GTPBP2: variants seen among roughly 807,000 people sequenced by gnomAD.
The protein encoded by GTPBP2 is GTP-binding protein 2.
GTPBP2 carries 32 observed loss-of-function variants against 63.0 expected under a neutral mutation model. The observed-to-expected ratio is 0.51, with a 90% CI of 0.38 to 0.68. The LOEUF (loss-of-function observed/expected upper bound fraction) is 0.68, where lower values mean the gene tolerates loss of function less well. GTPBP2 is among the 30% of genes least tolerant of loss of function. The pLI, the probability that GTPBP2 is intolerant of heterozygous loss-of-function variation, is 0.00. For missense variants in GTPBP2, 492 were observed against 796.9 expected (o/e 0.62, Z 4.61); for synonymous variants, 310 against 322.6 (o/e 0.96, Z 0.42).
chr6:43,629,883 C>A, upstream of GTPBP2: 1 of 1,319,544 alleles, frequency 7.6e-7, no homozygotes. Context: ...TATTACCAGG[C>A]TGGCACCGTC....
rs1328576072 is a variant in GTPBP2, at chr6:43,624,593, C to T, written c.1017G>A (p.Gln339=). Residue 339 remains glutamine (Q), a synonymous_variant, in exon 7 of 12, where the codon CAG becomes CAA. Transcript: ENST00000307126. The surrounding 1 kb of genome is among the most constrained non-coding windows in gnomAD (Gnocchi z 5.1). ...GCATGGGGACCTTGTGGCAGCCAGG[C>T]TGCTTGAGGACCCGCTCCAGCTGGC... is the stretch of plus-strand genomic sequence containing the variant. ...TVRQLERVLK[Q]PGCHKVPMLV... 4 of 1,614,164 alleles carry T rather than the reference C, an allele frequency of 2.5e-6. No individual in the cohort carries two copies. Among genetic ancestry groups the T allele is most frequent in the Admixed American group, 1.7e-5 (1 of 60,020 alleles).
rs940317452 is a variant in GTPBP2 at position 43,622,619 on chromosome 6, T to C, written c.1467+14A>G. The stretch of plus-strand genomic sequence containing the variant: ...CTCTTAGCGTTCCCTCCCCAACCCA[T>C]GCACCCACCTCACCTTGCGAAGCAG... On this transcript the variant is annotated intron_variant, in intron 10 of 11. Coordinates refer to ENST00000307126, the MANE Select transcript of GTPBP2 (RefSeq NM_019096.5). The surrounding 1 kb of genome is among the most constrained non-coding windows in gnomAD (Gnocchi z 5.4). The C allele has an allele frequency of 3.1e-6, 5 of 1,604,520 alleles. No individual in the cohort carries two copies. Among genetic ancestry groups the C allele is most frequent in the Non-Finnish European group, 3.4e-6 (4 of 1,172,208 alleles).
chr6:43,628,758 T>C (rs778121201), intron 1 of GTPBP2: 13 of 781,262 alleles, frequency 1.7e-5, no homozygotes, highest in Non-Finnish European at 7.0e-6. Context: ...GAGTCCTCCC[T>C]CTCCACTCTT....
At chr6:43,628,950 C>T in intron 1 of GTPBP2, 27 bp downstream of exon 1, 1 of 1,609,910 alleles carries the variant, frequency 6.2e-7, no homozygotes, top group Non-Finnish European at 8.5e-7. Flanking sequence ...TGGCTTCTTC[C>T]CGCCCTACCA....
At position 43,625,168 on chromosome 6, in the gene GTPBP2, G is replaced by T. The variant is rs1769196946; in HGVS notation, c.706-106C>A. 3 of 1,165,586 alleles carry T rather than the reference G, an allele frequency of 2.6e-6. No individual in the cohort carries two copies. Among genetic ancestry groups the T allele is most frequent in the African/African-American group, 1.5e-5 (1 of 65,118 alleles). 72.2% of individuals were successfully genotyped at this position (1,165,586 alleles called of 1,614,324 possible). A position where few individuals can be genotyped will look rare whatever the true frequency, so the allele number is the denominator to read the frequency against. ...CTGGGTGACCCTGCCTCTTAATCTT[G>T]ACCCCATTTTTTATTTAATTTAGTT... On this transcript the variant is annotated intron_variant, in intron 5 of 11. Transcript: ENST00000307126. This position sits in a 1 kb window ranked among gnomAD's most constrained non-coding sequence, Gnocchi z 5.1.
chr6:43,625,240 C>T lies in GTPBP2; in HGVS notation c.705+123G>A, dbSNP rs1582348314. On this transcript the variant is annotated intron_variant, in intron 5 of 11. Transcript: ENST00000307126. The surrounding 1 kb of genome is among the most constrained non-coding windows in gnomAD (Gnocchi z 5.1). ...GAGGGGCAGAGCTTGTTCACAGTCC[C>T]CTCAGGGCATTCATCTATACTATTT... The T allele has an allele frequency of 6.7e-6, 7 of 1,040,828 alleles. No homozygotes were observed. Among genetic ancestry groups the T allele is most frequent in the African/African-American group, 4.7e-5 (3 of 63,576 alleles). The allele number at this position is 1,040,828 out of a possible 1,614,324, so 64.5% of individuals were successfully genotyped here. A position where few individuals can be genotyped will look rare whatever the true frequency, so the allele number is the denominator to read the frequency against.
Position 43,622,683 on chromosome 6 carries a change from G to A in GTPBP2, c.1417C>T (p.Gln473Ter). Residue 473 changes from glutamine (Q) to a stop codon, truncating the protein, a stop_gained, in exon 10 of 12, where the codon CAG (glutamine) becomes TAG (stop). Coordinates refer to ENST00000307126, the MANE Select transcript of GTPBP2 (RefSeq NM_019096.5). LOFTEE classifies it high-confidence loss of function. This position sits in a 1 kb window ranked among gnomAD's most constrained non-coding sequence, Gnocchi z 5.4. ...RSACRVLRAG[Q>*]AATLALGDFD... The stretch of plus-strand genomic sequence containing the variant: ...TCCCCAAGCGCCAGTGTAGCAGCCT[G>A]ACCAGCTCGCAGCACACGACAGGCA... 6.2e-7 allele frequency: 1 copy of A among 1,614,114 alleles called. No homozygotes were observed. Among genetic ancestry groups the A allele is most frequent in the Non-Finnish European group, 8.5e-7 (1 of 1,179,994 alleles).
Position 43,622,927 on chromosome 6 carries a change from A to G in GTPBP2, c.1296-123T>C. The G allele has an allele frequency of 2.8e-6, 2 of 723,476 alleles. No homozygotes were observed. Among genetic ancestry groups the G allele is most frequent in the Non-Finnish European group, 4.5e-6 (2 of 447,736 alleles). 44.8% of individuals were successfully genotyped at this position (723,476 alleles called of 1,614,324 possible). The stretch of plus-strand genomic sequence containing the variant: ...AGTCCCTCAAGTGGGGAAGAACCCT[A>G]AATTCTGACTTGGATGTAACAGGGC... On this transcript the variant is annotated intron_variant, in intron 9 of 11. Transcript: ENST00000307126. This position sits in a 1 kb window ranked among gnomAD's most constrained non-coding sequence, Gnocchi z 5.4.
intron 11 of GTPBP2, 81 bp from the exon 12 acceptor site, chr6:43,621,871 G>A: frequency 1.2e-6 from 2 of 1,605,688 alleles, no homozygotes; most frequent in Non-Finnish European, 1.7e-6. Flanking sequence ...ACCCTCCAGA[G>A]GCCTATCAGG....
In GTPBP2 at chr6:43,626,178, T is replaced by A. The variant is rs754937109; in HGVS notation, c.398+48A>T. The A allele has an allele frequency of 1.0e-5, 16 of 1,553,750 alleles. No homozygotes were observed. The South Asian group carries it at 1.8e-4, about 18-fold the overall frequency. On this transcript the variant is annotated intron_variant, in intron 3 of 11. Transcript: ENST00000307126. This position sits in a 1 kb window ranked among gnomAD's most constrained non-coding sequence, Gnocchi z 4.0. ...CCCTAGGTAACTGGGTATGCATGGG[T>A]CCCCCCAAGTCAGGTAAAGGAGAAC...
upstream of GTPBP2, chr6:43,629,640 C>G: frequency 8.4e-7 from 1 of 1,186,808 alleles, no homozygotes; most frequent in South Asian, 1.3e-5. Flanking sequence ...CGGGATTTGG[C>G]CCTTTAGCGC....
Position 43,624,169 on chromosome 6 carries a change from GC to G in GTPBP2, c.1101-102del. 9.2e-7 allele frequency: 1 copy of G among 1,090,440 alleles called. No individual in the cohort carries two copies. Among genetic ancestry groups the G allele is most frequent in the Non-Finnish European group, 1.3e-6 (1 of 767,022 alleles). 67.5% of individuals were successfully genotyped at this position (1,090,440 alleles called of 1,614,324 possible). On this transcript the variant is annotated intron_variant, in intron 7 of 11. Coordinates refer to ENST00000307126, the MANE Select transcript of GTPBP2 (RefSeq NM_019096.5). The surrounding 1 kb of genome is among the most constrained non-coding windows in gnomAD (Gnocchi z 5.1). ...AAGGTGAGCTTTGTTCTGGCTGGGG[GC>G]CCCTCTCTCCTGTCTGCAAATGGCT...
At chr6:43,630,959 C>T (rs1393329794), upstream of GTPBP2, among the ~76,000 whole-genome samples, 1 of 149,832 alleles carries the variant, frequency 6.7e-6, no homozygotes, top group African/African-American at 2.5e-5. Flanking sequence ...AGCAACTCTT[C>T]TCTCCAGACC....
upstream of GTPBP2, among the ~76,000 whole-genome samples, chr6:43,630,927 A>G (rs955372965): frequency 2.0e-5 from 3 of 151,380 alleles, no homozygotes; most frequent in Non-Finnish European, 4.4e-5. Flanking sequence ...AAAAAAAAAA[A>G]AAAAGAAAGA....
At position 43,621,470 on chromosome 6, in the gene GTPBP2, A is replaced by G; in HGVS notation, c.*144T>C. On this transcript the variant is annotated 3_prime_UTR_variant, in exon 12 of 12. Transcript: ENST00000307126. The stretch of plus-strand genomic sequence containing the variant: ...CACACCAAGTTTGGCACCTCTCCAG[A>G]AAGTTGGCAGGGAGCAAGTGGCAGA... 3 of 1,551,862 alleles carry G rather than the reference A, an allele frequency of 1.9e-6. No individual in the cohort carries two copies. The highest frequency in any genetic ancestry group is 1.7e-4 in the Middle Eastern group (1 of 5,986).
chr6:43,630,106 T>C (rs904206105), upstream of GTPBP2, among the ~76,000 whole-genome samples: 12 of 152,176 alleles, frequency 7.9e-5, no homozygotes, highest in Non-Finnish European at 1.3e-4. Context: ...CGGGCGGGGC[T>C]AGGGCTCGGG....
At position 43,622,043 on chromosome 6, in the gene GTPBP2, T is replaced by C. The variant is rs780353150; in HGVS notation, c.1592A>G (p.Asn531Ser). 1 of 1,614,180 alleles carries C rather than the reference T, an allele frequency of 6.2e-7. No individual in the cohort carries two copies. The highest frequency in any genetic ancestry group is 1.7e-5 in the Admixed American group (1 of 60,022). ...TTCCACCACTGCCGTCTGACGTACG[T>C]TGCCCACGTGTACTGTCACCTGGAA... ...RGFQVTVHVG[N>S]VRQTAVVEKI... The change falls in exon 11 of 12, where the codon AAC (asparagine) becomes AGC (serine). Residue 531 changes from asparagine (N) to serine (S), a missense_variant. This residue lies in a region of GTPBP2 where 400 missense variants were observed against 710.8 expected (regional missense o/e 0.56). Coordinates refer to ENST00000307126, the MANE Select transcript of GTPBP2 (RefSeq NM_019096.5). The surrounding 1 kb of genome is among the most constrained non-coding windows in gnomAD (Gnocchi z 5.4).
In GTPBP2 at chr6:43,622,263, C is replaced by T; in HGVS notation, c.1468-96G>A. 9.8e-7 allele frequency: 1 copy of T among 1,019,010 alleles called. No individual in the cohort carries two copies. The highest frequency in any genetic ancestry group is 2.4e-4 in the Middle Eastern group (1 of 4,150). 63.1% of individuals were successfully genotyped at this position (1,019,010 alleles called of 1,614,324 possible). A position where few individuals can be genotyped will look rare whatever the true frequency, so the allele number is the denominator to read the frequency against. ...ACACCCTTTATAGCTCCTGAATTTC[C>T]TCTTCCTCTACACAACTCTAAACAC... On this transcript the variant is annotated intron_variant, in intron 10 of 11. Coordinates refer to ENST00000307126, the MANE Select transcript of GTPBP2 (RefSeq NM_019096.5). The surrounding 1 kb of genome is among the most constrained non-coding windows in gnomAD (Gnocchi z 5.4).
intron 1 of GTPBP2, chr6:43,627,488 G>C (rs781545355): frequency 7.7e-5 from 16 of 207,314 alleles, no homozygotes; most frequent in Non-Finnish European, 1.3e-4. Context: ...ATCTAGGTGA[G>C]AGAGGAGAAG....
Sources: gnomAD v4.1 joint callset for allele counts (sites outside exome capture counted in the v4.1 genomes callset) on GRCh38, gnomAD v4.1.1 for gene constraint, gnomAD v4.1.1 regional missense constraint, Gnocchi (gnomAD v3.1) non-coding constraint, MANE v1.5 for transcripts, NCBI Gene and HGNC (gene_info 2026-07-23, HGNC 2026-07-21) for gene names.